Variants in LRRIQ1 observed in about 807,000 individuals in gnomAD.
The protein encoded by LRRIQ1 is leucine-rich repeat- and IQ domain-containing protein 1.
In LRRIQ1, 210 loss-of-function variants were observed where a neutral mutation model predicts 211.9. The observed-to-expected ratio is 0.99, with a 90% CI of 0.89 to 1.11. The LOEUF (loss-of-function observed/expected upper bound fraction) is 1.11. Among genes scored for constraint, LRRIQ1 ranks in the 50% most tolerant of loss-of-function variants. The pLI, the probability that LRRIQ1 is intolerant of heterozygous loss-of-function variation, is 0.00. For missense variants in LRRIQ1, 2,136 were observed against 1,939.5 expected, an observed-to-expected ratio of 1.10 and a Z score of -1.90; for synonymous variants, 699 against 650.1, an observed-to-expected ratio of 1.08 and a Z score of -1.14.
chr12:85,157,649 G>T (rs866717845), intron 23 of LRRIQ1, among the ~76,000 whole-genome samples: 1 of 151,798 alleles, frequency 6.6e-6, no homozygotes, highest in African/African-American at 2.4e-5. Context: ...AAACATGCAG[G>T]GTCAATAATC....
rs1881086267 is a variant in LRRIQ1, at chr12:85,056,458, A to G, written c.1665A>G (p.Ile555Met). ...INENTGQKTQ[I>M]ILGHNQEISE... Reference sequence around the variant, plus strand: ...AGAATACAGGACAAAAAACCCAGATAATATTAGGACATAACCAAGAAATCA... The same window carrying G: ...AGAATACAGGACAAAAAACCCAGATGATATTAGGACATAACCAAGAAATCA... The change falls in exon 8 of 27, where the codon ATA becomes ATG. Residue 555 changes from isoleucine to methionine, a missense_variant. Transcript: ENST00000393217. 2.5e-6 allele frequency: 4 copies of G among 1,603,976 alleles called. No individual in the cohort carries two copies. Among genetic ancestry groups the G allele is most frequent in the Non-Finnish European group, 3.4e-6 (4 of 1,177,382 alleles).
chr12:85,091,085 CT>C (rs909413980), intron 11 of LRRIQ1, among the ~76,000 whole-genome samples: 32 of 151,912 alleles, frequency 2.1e-4, no homozygotes, highest in Non-Finnish European at 3.5e-4. Flanking sequence ...TCACTTGCTT[CT>C]TTTTTTTACC....
chr12:85,212,386 TG>T (rs1893877168), intron 24 of LRRIQ1, among the ~76,000 whole-genome samples: 1 of 152,038 alleles, frequency 6.6e-6, no homozygotes, highest in African/African-American at 2.4e-5. Flanking sequence ...AAAGGCACTA[TG>T]GGTTTATGAT....
Position 85,119,821 on chromosome 12 carries a change from A to G in LRRIQ1, c.3378-1876A>G, listed in dbSNP as rs11116717. ...GGCTTGTCATCTGTATATATTCTTT[A>G]GTAAGGTGTCTGTTGAGGTTTCTTG... On this transcript the variant is annotated intron_variant, in intron 15 of 26. Transcript: ENST00000393217. Among the ~76,000 whole-genome samples the G allele has an allele frequency of 7.6e-3, 1,155 of 152,182 alleles. 19 individuals carry two copies. Among genetic ancestry groups the G allele is most frequent in the African/African-American group, 0.026 (1,088 of 41,524 alleles).
At chr12:85,188,301 G>T (rs568318360) in intron 24 of LRRIQ1, among the ~76,000 whole-genome samples, 14 of 151,960 alleles carry the variant, frequency 9.2e-5, no homozygotes, top group African/African-American at 2.4e-4. Flanking sequence ...AGAATACAAG[G>T]TGCTGTTAAA....
At chr12:85,036,434 T>C (rs1189416791) in intron 1 of LRRIQ1, 27 bp downstream of exon 1, 1 of 152,246 alleles carries the variant, frequency 6.6e-6, no homozygotes, top group African/African-American at 2.4e-5. Flanking sequence ...AGACTGGGAT[T>C]CCCGTTGAGG....
In LRRIQ1 at chr12:85,244,814, C is replaced by T. The variant is rs376086109; in HGVS notation, c.5042C>T (p.Thr1681Met). The T allele has an allele frequency of 4.5e-5, 73 of 1,610,934 alleles. No homozygotes were observed. Among genetic ancestry groups the T allele is most frequent in the South Asian group, 6.6e-5 (6 of 90,926 alleles). Residue 1681 changes from threonine to methionine, a missense_variant, in exon 27 of 27, where the codon ACG becomes ATG. Coordinates refer to ENST00000393217, the MANE Select transcript of LRRIQ1 (RefSeq NM_001079910.2). ...GCAAGACTTGTAAGCAGAGAAGACA[C>T]GGATTTAGACCTTTTTTCCATGACC... is the stretch of plus-strand genomic sequence containing the variant. The part of the protein sequence containing the change: ...LVARLVSRED[T>M]DLDLFSMTNG...
At chr12:85,199,162 G>A (rs983136113) in intron 24 of LRRIQ1, among the ~76,000 whole-genome samples, 2 of 152,012 alleles carry the variant, frequency 1.3e-5, no homozygotes, top group Admixed American at 6.6e-5. Flanking sequence ...ATTGTTTTTG[G>A]TGTCTTTATC....
chr12:85,164,565 T>C (rs1412339117), intron 24 of LRRIQ1, among the ~76,000 whole-genome samples: 2 of 152,218 alleles, frequency 1.3e-5, no homozygotes, highest in Admixed American at 1.3e-4. Flanking sequence ...TGTTCTTGTT[T>C]ACAATTAGTT....
chr12:85,180,991 C>T (rs7135027), intron 24 of LRRIQ1, among the ~76,000 whole-genome samples: 7,629 of 151,804 alleles, frequency 0.05, 638 homozygotes, highest in African/African-American at 0.17. Context: ...ATCTATTCTA[C>T]TCTAAATTTT....
chr12:85,093,733 A>G (rs1213698345), intron 11 of LRRIQ1, among the ~76,000 whole-genome samples: 2 of 152,228 alleles, frequency 1.3e-5, no homozygotes, highest in African/African-American at 4.8e-5. Context: ...AAGTGACTGC[A>G]TTCAAAGCCA....
intron 24 of LRRIQ1, among the ~76,000 whole-genome samples, chr12:85,188,793 A>C (rs546302790): frequency 1.3e-5 from 2 of 152,288 alleles, no homozygotes; most frequent in Non-Finnish European, 2.9e-5. Flanking sequence ...GTTTAAAGCC[A>C]GTGTCCTTCC....
intron 7 of LRRIQ1, among the ~76,000 whole-genome samples, chr12:85,055,045 G>A (rs1880815327): frequency 6.6e-6 from 1 of 152,072 alleles, no homozygotes; most frequent in Admixed American, 6.6e-5. Flanking sequence ...GAGTAGGCTG[G>A]TTCTGTATAT....
At chr12:85,239,049 T>C (rs1895334741) in intron 26 of LRRIQ1, among the ~76,000 whole-genome samples, 2 of 152,100 alleles carry the variant, frequency 1.3e-5, no homozygotes, top group South Asian at 4.1e-4. Context: ...AATGTTAACA[T>C]TGAAATGTGC....
At position 85,231,453 on chromosome 12, in the gene LRRIQ1, G is replaced by A. The variant is rs191423291; in HGVS notation, c.4956-1243G>A. Among the ~76,000 whole-genome samples, 15 of 152,220 alleles carry A rather than the reference G, an allele frequency of 9.9e-5. No homozygotes were observed. The East Asian group carries it at 2.3e-3, about 24-fold the overall frequency. Reference sequence around the variant, plus strand: ...AATTTATTTTATGTTGTTATTAAGCGATTTAATTAATAGGGTAGTATTTTA... The same window carrying A: ...AATTTATTTTATGTTGTTATTAAGCAATTTAATTAATAGGGTAGTATTTTA... On this transcript the variant is annotated intron_variant, in intron 25 of 26. Coordinates refer to ENST00000393217, the MANE Select transcript of LRRIQ1 (RefSeq NM_001079910.2).
At chr12:85,037,635 A>G (rs1338173580) in intron 1 of LRRIQ1, among the ~76,000 whole-genome samples, 1 of 151,992 alleles carries the variant, frequency 6.6e-6, no homozygotes, top group Non-Finnish European at 1.5e-5. Context: ...GAGGATGGAA[A>G]GAAGGAATGA....
At chr12:85,131,232 C>A (rs1397794072) in intron 18 of LRRIQ1, among the ~76,000 whole-genome samples, 5 of 150,966 alleles carry the variant, frequency 3.3e-5, no homozygotes, top group Non-Finnish European at 5.9e-5. Flanking sequence ...AAAAAAATTT[C>A]AATGGTAGAT....
intron 11 of LRRIQ1, among the ~76,000 whole-genome samples, chr12:85,082,715 G>A (rs1176641111): frequency 6.6e-6 from 1 of 152,106 alleles, no homozygotes; most frequent in African/African-American, 2.4e-5. Flanking sequence ...ATGTAGTTCT[G>A]TTTCTGTGTG....
intron 6 of LRRIQ1, chr12:85,047,888 C>T (rs1879823723): frequency 6.3e-6 from 1 of 159,928 alleles, no homozygotes; most frequent in Admixed American, 6.3e-5. Flanking sequence ...TAGAGTCAGT[C>T]TGCGCCCCAC....
Sources: gnomAD v4.1 joint callset for allele counts (sites outside exome capture counted in the v4.1 genomes callset) on GRCh38, gnomAD v4.1.1 for gene constraint, MANE v1.5 for transcripts, NCBI Gene and HGNC (gene_info 2026-07-23, HGNC 2026-07-21) for gene names.